Variants in ZNF644 observed in about 807,000 individuals in gnomAD.
ZNF644 encodes zinc finger motif enhancer binding protein 2.
In ZNF644, 20 loss-of-function variants were observed where a neutral mutation model predicts 108.0. That is an observed-to-expected ratio of 0.19 (90% CI 0.13 to 0.27). The LOEUF (loss-of-function observed/expected upper bound fraction) is 0.27. Among genes scored for constraint, ZNF644 ranks in the 10% least tolerant of loss-of-function variants. The pLI, the probability that ZNF644 is intolerant of heterozygous loss-of-function variation, is 1.00. For missense variants in ZNF644, 1,338 were observed against 1,548.9 expected (o/e 0.86, Z 2.29); for synonymous variants, 542 against 539.1 (o/e 1.01, Z -0.08).
chr1:90,978,553 G>C (rs961807713), intron 2 of ZNF644, among the ~76,000 whole-genome samples: 7 of 152,102 alleles, frequency 4.6e-5, no homozygotes, highest in Non-Finnish European at 8.8e-5. Context: ...GAGAGGTTAA[G>C]TTAGAAATTA....
chr1:90,918,992 T>A (rs531851698), intron 4 of ZNF644, among the ~76,000 whole-genome samples: 2 of 152,060 alleles, frequency 1.3e-5, no homozygotes, highest in South Asian at 4.2e-4. Flanking sequence ...AAAAAAAAAA[T>A]TAAAATAGAC....
chr1:90,963,045 G>T (rs1418857142), intron 2 of ZNF644, among the ~76,000 whole-genome samples: 1 of 152,054 alleles, frequency 6.6e-6, no homozygotes. Flanking sequence ...TTTTTTAAAT[G>T]TAACTAACAA....
intron 2 of ZNF644, among the ~76,000 whole-genome samples, chr1:90,978,665 C>T (rs1051730824): frequency 2.6e-5 from 4 of 152,002 alleles, no homozygotes; most frequent in African/African-American, 9.7e-5. Flanking sequence ...TATTGAAGCA[C>T]AAAATGAAGA....
chr1:90,985,984 T>C (rs1218802997), intron 1 of ZNF644, among the ~76,000 whole-genome samples: 2 of 152,126 alleles, frequency 1.3e-5, no homozygotes, highest in Admixed American at 6.5e-5. Flanking sequence ...TTTTTGATAA[T>C]AGCAAATAAA....
chr1:91,010,013 A>G (rs1659799569), intron 1 of ZNF644, among the ~76,000 whole-genome samples: 1 of 151,984 alleles, frequency 6.6e-6, no homozygotes, highest in South Asian at 2.1e-4. Context: ...GGCCTTCCTC[A>G]CTTCAATCTC....
At chr1:90,918,005 A>C (rs765513376) in intron 5 of ZNF644, 47 bp downstream of exon 5, 1 of 1,493,544 alleles carries the variant, frequency 6.7e-7, no homozygotes, top group East Asian at 2.3e-5. Context: ...TATGTTTCAA[A>C]GCAAAGTATG....
At chr1:90,959,447 CAT>C (rs1654101220) in intron 2 of ZNF644, among the ~76,000 whole-genome samples, 1 of 152,102 alleles carries the variant, frequency 6.6e-6, no homozygotes, top group African/African-American at 2.4e-5. Flanking sequence ...AACTTGTACA[CAT>C]ATGTTTATAG....
At chr1:90,933,653 G>A (rs1650995680) in intron 4 of ZNF644, among the ~76,000 whole-genome samples, 1 of 140,644 alleles carries the variant, frequency 7.1e-6, no homozygotes. Flanking sequence ...GACAGAGCGA[G>A]ACTCCGTCTC....
chr1:90,980,834 C>A lies in ZNF644; in HGVS notation c.44+1476G>T, dbSNP rs565521514. ...TATTAGACTGGAAGCGGGGAAAGCA[C>A]AAGGAACTTTCCAAAGTAATGAAAT... is the stretch of plus-strand genomic sequence containing the variant. On this transcript the variant is annotated intron_variant, in intron 2 of 5. Transcript: ENST00000337393. 2.0e-5 allele frequency among the ~76,000 whole-genome samples: 3 copies of A among 152,180 alleles called. No homozygotes were observed. The South Asian group carries it at 6.2e-4, about 32-fold the overall frequency.
chr1:90,999,594 T>C (rs1342405879), intron 1 of ZNF644, among the ~76,000 whole-genome samples: 1 of 152,120 alleles, frequency 6.6e-6, no homozygotes, highest in East Asian at 1.9e-4. Flanking sequence ...TGCCCAATTG[T>C]AAAGACCATC....
At chr1:90,966,263 C>T (rs893723669) in intron 2 of ZNF644, among the ~76,000 whole-genome samples, 5 of 152,156 alleles carry the variant, frequency 3.3e-5, no homozygotes, top group African/African-American at 1.2e-4. Flanking sequence ...CTCTATGCCC[C>T]TCTCTGCTGA....
intron 1 of ZNF644, among the ~76,000 whole-genome samples, chr1:91,019,230 T>C (rs543855479): frequency 2.0e-5 from 3 of 152,346 alleles, no homozygotes; most frequent in South Asian, 2.1e-4. Context: ...TCTTAAAAAG[T>C]TGTTTTAAAG....
rs1648784584 is a variant in ZNF644, at chr1:90,916,578, C to CAA, written c.*218_*219dup. 1 of 555,626 alleles carries CAA rather than the reference C, an allele frequency of 1.8e-6. No individual in the cohort carries two copies. The highest frequency in any genetic ancestry group is 3.1e-5 in the Admixed American group (1 of 32,150). The allele number at this position is 555,626 out of a possible 1,614,324, so 34.4% of individuals were successfully genotyped here. On this transcript the variant is annotated 3_prime_UTR_variant, in exon 6 of 6. Coordinates refer to ENST00000337393, the MANE Select transcript of ZNF644 (RefSeq NM_201269.3). ...TTACTGAGTGAACACAGTTAACCAA[C>CAA]AAAACTTCATAAACCTTAAAAACAC...
chr1:91,000,118 A>G (rs983838151), intron 1 of ZNF644, among the ~76,000 whole-genome samples: 10 of 152,324 alleles, frequency 6.6e-5, no homozygotes, highest in Admixed American at 5.2e-4. Context: ...TGTCAACATT[A>G]GACAGATCAA....
intron 2 of ZNF644, 123 bp from the exon 3 acceptor site, chr1:90,941,432 A>C: frequency 1.1e-6 from 1 of 882,660 alleles, no homozygotes; most frequent in Non-Finnish European, 1.7e-6. Context: ...TGAGATTCTA[A>C]TAATTTTCCA....
rs762853089 is a variant in ZNF644, at chr1:90,940,713, G to A, written c.641C>T (p.Ser214Leu). ...IQNSVGSNIK[S>L]DGTLINQVEV... ...TACTTGATTTATTAAAGTGCCATCT[G>A]ACTTTATATTACTCCCTACTGAATT... Residue 214 changes from serine to leucine, a missense_variant, in exon 3 of 6, where the codon TCA becomes TTA. Ser to Leu is a moderately radical substitution (Grantham distance 145, BLOSUM62 -2). This residue lies in a region of ZNF644 where 464 missense variants were observed against 457.9 expected (regional missense o/e 1.01). Transcript: ENST00000337393. The A allele has an allele frequency of 3.1e-6, 5 of 1,614,006 alleles. No individual in the cohort carries two copies. Among genetic ancestry groups the A allele is most frequent in the Non-Finnish European group, 4.2e-6 (5 of 1,179,988 alleles).
intron 5 of ZNF644, 41 bp from the exon 6 acceptor site, chr1:90,917,031 T>C (rs753984270): frequency 6.2e-7 from 1 of 1,602,292 alleles, no homozygotes. Flanking sequence ...ACCAATTCTC[T>C]TTCTTTAAAA....
At chr1:90,998,640 G>A (rs766691151) in intron 1 of ZNF644, among the ~76,000 whole-genome samples, 3 of 152,192 alleles carry the variant, frequency 2.0e-5, no homozygotes, top group Admixed American at 6.5e-5. Flanking sequence ...AAATCAGAGC[G>A]CCTCTCCCCC....
At chr1:91,011,376 T>C (rs964991831) in intron 1 of ZNF644, among the ~76,000 whole-genome samples, 23 of 152,284 alleles carry the variant, frequency 1.5e-4, no homozygotes, top group African/African-American at 5.5e-4. Flanking sequence ...TTCTGCGCAA[T>C]TTACATATTC....
Sources: gnomAD v4.1 joint callset for allele counts (sites outside exome capture counted in the v4.1 genomes callset) on GRCh38, gnomAD v4.1.1 for gene constraint, gnomAD v4.1.1 regional missense constraint, MANE v1.5 for transcripts, NCBI Gene and HGNC (gene_info 2026-07-23, HGNC 2026-07-21) for gene names.